The following ADAMTS3 variants were observed in gnomAD, a reference collection of about 807,000 sequenced individuals.
ADAMTS3 encodes the protein A disintegrin and metalloproteinase with thrombospondin motifs 3.
Under a neutral mutation model 129.0 loss-of-function variants are expected in ADAMTS3, and 73 were observed. That is an observed-to-expected ratio of 0.57 (90% CI 0.47 to 0.69). The LOEUF (loss-of-function observed/expected upper bound fraction) is 0.69. Among genes scored for constraint, ADAMTS3 ranks in the 30% least tolerant of loss-of-function variants. ADAMTS3 has a pLI of 0.00. For missense variants in ADAMTS3, 1,457 were observed against 1,514.5 expected (o/e 0.96, Z 0.63); for synonymous variants, 477 against 510.8 (o/e 0.93, Z 0.89).
chr4:72,424,597 C>G (rs1289742258), intron 3 of ADAMTS3, among the ~76,000 whole-genome samples: 1 of 151,968 alleles, frequency 6.6e-6, no homozygotes, highest in Non-Finnish European at 1.5e-5. Context: ...CATGATTACA[C>G]AAAAAGAGCC....
chr4:72,283,158 C>G lies in ADAMTS3; in HGVS notation c.3596G>C (p.Arg1199Thr). 6.2e-7 allele frequency: 1 copy of G among 1,609,260 alleles called. No individual in the cohort carries two copies. Among genetic ancestry groups the G allele is most frequent in the Admixed American group, 1.7e-5 (1 of 59,498 alleles). The change falls in exon 22 of 22, where the codon AGA (arginine) becomes ACA (threonine). Residue 1199 changes from arginine to threonine, a missense_variant. Transcript: ENST00000286657. ...TTCTCATCTTTCTAAGGTGGATGAT[C>G]TTGTCGGACGTCTGTTGTCAATGAT... is the stretch of plus-strand genomic sequence containing the variant. The part of the protein sequence containing the change: ...GKIIDNRRPT[R>T]SSTLER
At chr4:72,562,478 T>C (rs889643059) in intron 2 of ADAMTS3, among the ~76,000 whole-genome samples, 27 of 152,204 alleles carry the variant, frequency 1.8e-4, no homozygotes, top group Non-Finnish European at 2.8e-4. Context: ...AAAATGATTA[T>C]ACAAATTAGA....
chr4:72,545,891 G>C (rs1721453498), intron 3 of ADAMTS3, among the ~76,000 whole-genome samples: 1 of 152,112 alleles, frequency 6.6e-6, no homozygotes, highest in Admixed American at 6.5e-5. Flanking sequence ...CCTATTTTTA[G>C]TATCAAACAT....
intron 15 of ADAMTS3, 56 bp from the exon 16 acceptor site, chr4:72,306,123 C>G: frequency 7.2e-7 from 1 of 1,388,462 alleles, no homozygotes; most frequent in East Asian, 2.4e-5. Context: ...AAGCAACAAC[C>G]ATGGTTAGTT....
chr4:72,460,186 T>C (rs1560524365), intron 3 of ADAMTS3, among the ~76,000 whole-genome samples: 1 of 151,622 alleles, frequency 6.6e-6, no homozygotes, highest in African/African-American at 2.4e-5. Flanking sequence ...ACCAAAGATT[T>C]GTTCATTCTA....
chr4:72,406,406 CTTTGT>C (rs1462300949), intron 4 of ADAMTS3, among the ~76,000 whole-genome samples: 1 of 151,900 alleles, frequency 6.6e-6, no homozygotes, highest in Non-Finnish European at 1.5e-5. Context: ...CTGTTTTTTT[CTTTGT>C]TTTATCCTTG....
intron 4 of ADAMTS3, among the ~76,000 whole-genome samples, chr4:72,355,142 AT>A (rs368895834): frequency 9.4e-5 from 14 of 149,272 alleles, no homozygotes; most frequent in East Asian, 3.9e-4. Context: ...TAGTCTACTC[AT>A]TTTTTTTTGC....
At chr4:72,374,268 C>T (rs1223747321) in intron 4 of ADAMTS3, among the ~76,000 whole-genome samples, 1 of 150,292 alleles carries the variant, frequency 6.7e-6, no homozygotes, top group Non-Finnish European at 1.5e-5. Context: ...GTTTGTTCTC[C>T]TGCATGTTTG....
intron 3 of ADAMTS3, among the ~76,000 whole-genome samples, chr4:72,502,434 T>C (rs1720050289): frequency 6.6e-6 from 1 of 152,190 alleles, no homozygotes; most frequent in Non-Finnish European, 1.5e-5. Flanking sequence ...GAGAATCATT[T>C]GTATTCCTGT....
rs376873694 is a variant in ADAMTS3, at chr4:72,462,374, T to G, written c.505-47403A>C. 1.6e-4 allele frequency among the ~76,000 whole-genome samples: 24 copies of G among 152,142 alleles called. No homozygotes were observed. The East Asian group carries it at 4.1e-3, about 26-fold the overall frequency. On this transcript the variant is annotated intron_variant, in intron 3 of 21. Coordinates refer to ENST00000286657, the MANE Select transcript of ADAMTS3 (RefSeq NM_014243.3). The stretch of plus-strand genomic sequence containing the variant: ...TTTGTGCTGTTAGTTCTAAAAAGTC[T>G]CATCATAGCCCTTGGCTGTTGAAAC...
intron 3 of ADAMTS3, among the ~76,000 whole-genome samples, chr4:72,520,719 A>G (rs1199322501): frequency 6.6e-6 from 1 of 151,974 alleles, no homozygotes; most frequent in Non-Finnish European, 1.5e-5. Flanking sequence ...GGTGGGATTG[A>G]CCCGATTTTC....
At chr4:72,484,851 A>C (rs187506228) in intron 3 of ADAMTS3, among the ~76,000 whole-genome samples, 84 of 152,286 alleles carry the variant, frequency 5.5e-4, no homozygotes, top group African/African-American at 1.9e-3. Context: ...AGATTTTTTA[A>C]AGTATAAGAC....
chr4:72,312,821 C>T (rs924754223), intron 12 of ADAMTS3, among the ~76,000 whole-genome samples: 1 of 152,138 alleles, frequency 6.6e-6, no homozygotes, highest in Non-Finnish European at 1.5e-5. Flanking sequence ...GTCATCGCTC[C>T]ATGGCTCGGT....
intron 4 of ADAMTS3, among the ~76,000 whole-genome samples, 161 bp from the exon 5 acceptor site, chr4:72,339,854 G>A (rs1720090131): frequency 6.6e-6 from 1 of 152,098 alleles, no homozygotes; most frequent in African/African-American, 2.4e-5. Flanking sequence ...ATATGCATAC[G>A]ATCAGACAGA....
intron 4 of ADAMTS3, among the ~76,000 whole-genome samples, chr4:72,362,377 T>C (rs561820638): frequency 4.6e-5 from 7 of 152,280 alleles, no homozygotes; most frequent in African/African-American, 1.7e-4. Context: ...CTCTACCAGG[T>C]GACTAGTCAT....
rs1051702519 is a variant in ADAMTS3 at position 72,283,479 on chromosome 4, T to C, written c.3275A>G (p.Tyr1092Cys). ...CTTCTTTGCAGGGGTCTCTGAATGATAAGGAACCAAAGATGTAGGCATCAC... is the reference window on the plus strand; with the variant it reads ...CTTCTTTGCAGGGGTCTCTGAATGACAAGGAACCAAAGATGTAGGCATCAC... The part of the protein sequence containing the change: ...SLVMPTSLVP[Y>C]HSETPAKKMS... Residue 1092 changes from tyrosine (Y) to cysteine (C), a missense_variant, in exon 22 of 22, where the codon TAT becomes TGT. Transcript: ENST00000286657. The C allele has an allele frequency of 1.9e-6, 3 of 1,614,006 alleles. No homozygotes were observed. The highest frequency in any genetic ancestry group is 3.3e-5 in the Admixed American group (2 of 60,004).
Position 72,522,176 on chromosome 4 carries a change from A to C in ADAMTS3, c.504+26302T>G, listed in dbSNP as rs186667571. Among the ~76,000 whole-genome samples the C allele has an allele frequency of 4.1e-4, 62 of 152,270 alleles. 1 individual carries two copies. The highest frequency in any genetic ancestry group is 1.5e-3 in the African/African-American group (61 of 41,564). On this transcript the variant is annotated intron_variant, in intron 3 of 21. Coordinates refer to ENST00000286657, the MANE Select transcript of ADAMTS3 (RefSeq NM_014243.3). ...CGGAAATGGTACATCCTTCTCCTAC[A>C]CACAAATCCATAATTGAAAAAAAAG... is the stretch of plus-strand genomic sequence containing the variant.
At chr4:72,484,032 GA>G (rs201074741) in intron 3 of ADAMTS3, among the ~76,000 whole-genome samples, 37 of 146,164 alleles carry the variant, frequency 2.5e-4, no homozygotes, top group East Asian at 1.0e-3. Context: ...AAGAAAGAAA[GA>G]AAAAAAAAAG....
intron 3 of ADAMTS3, among the ~76,000 whole-genome samples, chr4:72,539,825 C>T (rs573740557): frequency 6.6e-6 from 1 of 152,308 alleles, no homozygotes; most frequent in Admixed American, 6.5e-5. Context: ...TAAGATGTGA[C>T]TTGCTCCTCC....
Sources: allele counts gnomAD v4.1 joint callset (sites outside exome capture counted in the v4.1 genomes callset), GRCh38; gene constraint gnomAD v4.1.1; transcripts MANE v1.5; gene names NCBI Gene and HGNC (gene_info 2026-07-23, HGNC 2026-07-21).